Variants in PDE4B observed in about 807,000 individuals in gnomAD.
The protein encoded by PDE4B is 3',5'-cyclic-AMP phosphodiesterase 4B.
A neutral mutation model predicts 82.2 loss-of-function variants in PDE4B; 20 were observed. That is an observed-to-expected ratio of 0.24 (90% CI 0.17 to 0.35). PDE4B has a LOEUF of 0.35. Among genes scored for constraint, PDE4B ranks in the 10% least tolerant of loss-of-function variants. The pLI, the probability that PDE4B is intolerant of heterozygous loss-of-function variation, is 1.00. For synonymous variants in PDE4B, 320 were observed against 318.9 expected, an observed-to-expected ratio of 1.00 and a Z score of -0.04; for missense variants, 655 against 907.2, an observed-to-expected ratio of 0.72 and a Z score of 3.57.
intron 3 of PDE4B, among the ~76,000 whole-genome samples, chr1:65,931,006 G>A (rs915179612): frequency 6.6e-6 from 1 of 152,200 alleles, no homozygotes; most frequent in Non-Finnish European, 1.5e-5. Flanking sequence ...GGTGGGAGGT[G>A]ATTGGATCAT....
intron 3 of PDE4B, among the ~76,000 whole-genome samples, chr1:65,989,431 C>T (rs150901311): frequency 0.01 from 1,534 of 152,128 alleles, 21 homozygotes; most frequent in African/African-American, 0.035. Flanking sequence ...GCAGAGGTTG[C>T]AGTGAGCCTA....
chr1:66,257,763 C>A lies in PDE4B; in HGVS notation c.514-30C>A, dbSNP rs566838929. On this transcript the variant is annotated intron_variant, in intron 5 of 16. Transcript: ENST00000341517. ...AACCTGGCCATTTGTCTTCTTTTGT[C>A]CTTAACCGTTTAAAACATTTTTCTT... 2.8e-5 allele frequency: 45 copies of A among 1,609,730 alleles called. No homozygotes were observed. In the East Asian group the frequency reaches 1.0e-3, roughly 36 times the overall value.
chr1:66,142,910 C>A (rs1646201172), intron 3 of PDE4B, among the ~76,000 whole-genome samples: 1 of 152,202 alleles, frequency 6.6e-6, no homozygotes. Flanking sequence ...CAGAAGATTT[C>A]TCTCCCAGCA....
At chr1:66,330,670 A>G (rs1570705171) in intron 7 of PDE4B, 1 of 542,278 alleles carries the variant, frequency 1.8e-6, no homozygotes, top group Non-Finnish European at 2.4e-6. Flanking sequence ...AGAGGCAGGG[A>G]ATGAGAATGG....
At chr1:66,219,100 A>G (rs143678520) in intron 3 of PDE4B, among the ~76,000 whole-genome samples, 1 of 152,290 alleles carries the variant, frequency 6.6e-6, no homozygotes, top group African/African-American at 2.4e-5. Context: ...TGGTTCTACT[A>G]TAATGGAGAG....
intron 3 of PDE4B, among the ~76,000 whole-genome samples, chr1:66,182,741 G>T (rs1019264625): frequency 6.6e-6 from 1 of 152,138 alleles, no homozygotes; most frequent in African/African-American, 2.4e-5. Context: ...CCAGTCCAGG[G>T]TGTCTAGTAA....
At chr1:66,158,675 A>G (rs1379694309) in intron 3 of PDE4B, among the ~76,000 whole-genome samples, 3 of 152,230 alleles carry the variant, frequency 2.0e-5, no homozygotes, top group Non-Finnish European at 2.9e-5. Context: ...AATAGCCAAA[A>G]TACGGAATCA....
chr1:66,357,105 G>A (rs1461674009), intron 9 of PDE4B, among the ~76,000 whole-genome samples: 1 of 152,102 alleles, frequency 6.6e-6, no homozygotes, highest in African/African-American at 2.4e-5. Flanking sequence ...TGGGAGAGGA[G>A]AATAAAATCA....
intron 3 of PDE4B, among the ~76,000 whole-genome samples, chr1:66,242,762 T>C (rs941233002): frequency 7.9e-5 from 12 of 152,198 alleles, no homozygotes; most frequent in Non-Finnish European, 1.6e-4. Flanking sequence ...CCCAGGCTTA[T>C]GAATAAGGCT....
intron 3 of PDE4B, among the ~76,000 whole-genome samples, chr1:65,921,083 C>T (rs1243798938): frequency 1.3e-5 from 2 of 148,898 alleles, no homozygotes; most frequent in Admixed American, 6.7e-5. Context: ...ATTCTCCTGC[C>T]TCAGCCTCCC....
At chr1:65,993,275 C>T (rs1205136710) in intron 3 of PDE4B, 2 of 648,720 alleles carry the variant, frequency 3.1e-6, no homozygotes, top group Non-Finnish European at 5.2e-6. Context: ...TGAATGGAGA[C>T]CAGGTCAGAT....
At chr1:66,343,964 G>A (rs1213061817) in intron 8 of PDE4B, among the ~76,000 whole-genome samples, 1 of 152,070 alleles carries the variant, frequency 6.6e-6, no homozygotes, top group Admixed American at 6.6e-5. Context: ...TGAGAAGCTA[G>A]GGACCTTCTA....
intron 1 of PDE4B, among the ~76,000 whole-genome samples, chr1:65,866,533 G>T (rs1389888360): frequency 6.6e-6 from 1 of 152,122 alleles, no homozygotes; most frequent in East Asian, 1.9e-4. Context: ...AAGTGAAAAA[G>T]AAACTTTTTT....
Position 66,372,325 on chromosome 1 carries a change from G to T in PDE4B, c.1858G>T (p.Asp620Tyr). The change falls in exon 17 of 17, where the codon GAC becomes TAC. Residue 620 changes from aspartate to tyrosine, a missense_variant. Coordinates refer to ENST00000341517, the MANE Select transcript of PDE4B (RefSeq NM_002600.4). Reference sequence around the variant, plus strand: ...TATTTTTCTCCAGGTTGGTTTCATCGACTACATTGTCCATCCATTGTGGGA... The same window carrying T: ...TATTTTTCTCCAGGTTGGTTTCATCTACTACATTGTCCATCCATTGTGGGA... ...SVEKSQVGFI[D>Y]YIVHPLWETW... The T allele has an allele frequency of 6.2e-7, 1 of 1,603,768 alleles. No homozygotes were observed. The highest frequency in any genetic ancestry group is 1.1e-5 in the South Asian group (1 of 90,646).
intron 3 of PDE4B, among the ~76,000 whole-genome samples, chr1:65,979,507 C>T (rs534323905): frequency 1.3e-5 from 2 of 152,274 alleles, no homozygotes; most frequent in African/African-American, 2.4e-5. Flanking sequence ...GAAGGTCAGG[C>T]GTTCAGTGGT....
At chr1:66,354,758 G>A (rs1662103068) in intron 8 of PDE4B, 1 of 1,509,922 alleles carries the variant, frequency 6.6e-7, no homozygotes, top group Admixed American at 2.1e-5. Flanking sequence ...GAATCTGCAG[G>A]GCTTTCCTGA....
intron 3 of PDE4B, among the ~76,000 whole-genome samples, chr1:66,211,277 A>C (rs1650027985): frequency 6.6e-6 from 1 of 152,204 alleles, no homozygotes. Flanking sequence ...TCTCCAGCTA[A>C]TCATATTATA....
chr1:66,084,082 G>A (rs768154169), intron 3 of PDE4B, among the ~76,000 whole-genome samples: 24 of 152,082 alleles, frequency 1.6e-4, no homozygotes, highest in Non-Finnish European at 3.2e-4. Context: ...AGTACAGAAA[G>A]GGTAAGCCTT....
chr1:66,240,574 T>G (rs529707021), intron 3 of PDE4B, among the ~76,000 whole-genome samples: 42 of 152,342 alleles, frequency 2.8e-4, no homozygotes, highest in Admixed American at 2.5e-3. Context: ...CACACTACTA[T>G]GTTTTATTTT....
Sources: gnomAD v4.1 joint callset for allele counts (sites outside exome capture counted in the v4.1 genomes callset) on GRCh38, gnomAD v4.1.1 for gene constraint, MANE v1.5 for transcripts, NCBI Gene and HGNC (gene_info 2026-07-23, HGNC 2026-07-21) for gene names.